The following ZNF136 variants were observed in gnomAD, a reference collection of about 807,000 sequenced individuals.
The protein encoded by ZNF136 is zinc finger protein 136.
A neutral mutation model predicts 11.4 loss-of-function variants in ZNF136; 8 were observed. The observed-to-expected ratio is 0.70, with a 90% CI of 0.41 to 1.27. ZNF136 has a LOEUF of 1.27. Among genes scored for constraint, ZNF136 ranks in the 50% most tolerant of loss-of-function variants. The pLI is 0.01. For synonymous variants in ZNF136, 190 were observed against 207.1 expected (o/e 0.92, Z 0.71); for missense variants, 590 against 656.5 (o/e 0.90, Z 1.11).
intron 1 of ZNF136, among the ~76,000 whole-genome samples, chr19:12,176,859 C>T (rs148551621): frequency 1.8e-3 from 271 of 152,196 alleles, no homozygotes; most frequent in African/African-American, 6.2e-3. Context: ...GTTTATGTCT[C>T]TGAGGTGTTA....
At chr19:12,170,764 G>A (rs915675181) in intron 1 of ZNF136, among the ~76,000 whole-genome samples, 2 of 151,904 alleles carry the variant, frequency 1.3e-5, no homozygotes, top group African/African-American at 4.8e-5. Context: ...CTGCCTCCTG[G>A]GTTCAAGTGA....
chr19:12,170,087 C>G (rs544450075), intron 1 of ZNF136, among the ~76,000 whole-genome samples: 2 of 142,068 alleles, frequency 1.4e-5, no homozygotes, highest in African/African-American at 2.5e-5. Context: ...AGCCACCACG[C>G]CCGGCCATTT....
chr19:12,176,479 A>C (rs1299278200), intron 1 of ZNF136, among the ~76,000 whole-genome samples: 1 of 152,012 alleles, frequency 6.6e-6, no homozygotes, highest in Non-Finnish European at 1.5e-5. Flanking sequence ...GGCGCTTGCC[A>C]CCACACCCAG....
intron 1 of ZNF136, among the ~76,000 whole-genome samples, chr19:12,173,798 T>C (rs1395743927): frequency 6.6e-6 from 1 of 152,202 alleles, no homozygotes; most frequent in Non-Finnish European, 1.5e-5. Flanking sequence ...CTCGTAGGAC[T>C]GAGCCCTCAA....
Position 12,188,271 on chromosome 19 carries a change from G to A in ZNF136, c.*270G>A. On this transcript the variant is annotated 3_prime_UTR_variant, in exon 4 of 4. Transcript: ENST00000343979. ...TTGAGAGAAACCCTGGGTAAAGGGTGTAGGAAAGGTTTTGTCATCACACAA... is the reference window on the plus strand; with the variant it reads ...TTGAGAGAAACCCTGGGTAAAGGGTATAGGAAAGGTTTTGTCATCACACAA... 1 of 293,156 alleles carries A rather than the reference G, an allele frequency of 3.4e-6. No homozygotes were observed. Among genetic ancestry groups the A allele is most frequent in the Admixed American group, 4.5e-5 (1 of 22,094 alleles). 18.2% of individuals were successfully genotyped at this position (293,156 alleles called of 1,614,324 possible).
Position 12,186,149 on chromosome 19 carries a change from T to C in ZNF136, c.166T>C (p.Tyr56His). The C allele has an allele frequency of 6.2e-7, 1 of 1,611,500 alleles. No homozygotes were observed. Among genetic ancestry groups the C allele is most frequent in the Non-Finnish European group, 8.5e-7 (1 of 1,179,414 alleles). Residue 56 changes from tyrosine (Y) to histidine (H), a missense_variant, in exon 3 of 4, where the codon TAC (tyrosine) becomes CAC (histidine). Physicochemically the swap from Tyr to His is moderately conservative, Grantham distance 83 (BLOSUM62 2). Coordinates refer to ENST00000343979, the MANE Select transcript of ZNF136 (RefSeq NM_003437.5). ...GAAGGACCAGAACATTAAAGATCACTACAAACACCGAGGGAGAAATCTAAG... is the reference window on the plus strand; with the variant it reads ...GAAGGACCAGAACATTAAAGATCACCACAAACACCGAGGGAGAAATCTAAG... Reference protein sequence around the residue: ...KWKDQNIKDHYKHRGRNLRSH... With the variant: ...KWKDQNIKDHHKHRGRNLRSH...
chr19:12,172,294 T>C (rs1283803755), intron 1 of ZNF136, among the ~76,000 whole-genome samples: 4 of 152,212 alleles, frequency 2.6e-5, no homozygotes, highest in Non-Finnish European at 5.9e-5. Context: ...TGATCTTGTT[T>C]ATAGCTGGAG....
intron 1 of ZNF136, among the ~76,000 whole-genome samples, chr19:12,177,211 G>A (rs1914819037): frequency 6.6e-6 from 1 of 152,206 alleles, no homozygotes; most frequent in African/African-American, 2.4e-5. Context: ...TCTTCATGGT[G>A]GAAGAGGTAT....
chr19:12,173,663 T>G (rs909486285), intron 1 of ZNF136, among the ~76,000 whole-genome samples: 1 of 152,156 alleles, frequency 6.6e-6, no homozygotes, highest in Non-Finnish European at 1.5e-5. Context: ...TCCCGAATTT[T>G]GTGAGCTGTG....
rs776876283 is a variant in ZNF136, at chr19:12,187,969, C to T, written c.1591C>T (p.Pro531Ser). ...RHMLTHAEDG[P>S]PYKCMWESL ...CATGTTAACACATGCTGAAGATGGA[C>T]CACCTTATAAATGCATGTGGGAAAG... The change falls in exon 4 of 4, where the codon CCA becomes TCA. Residue 531 changes from proline to serine, a missense_variant. Transcript: ENST00000343979. 3 of 1,538,632 alleles carry T rather than the reference C, an allele frequency of 1.9e-6. No homozygotes were observed. The highest frequency in any genetic ancestry group is 2.2e-5 in the East Asian group (1 of 44,488).
At chr19:12,167,143 AG>A (rs1409454204) in intron 1 of ZNF136, among the ~76,000 whole-genome samples, 1 of 152,242 alleles carries the variant, frequency 6.6e-6, no homozygotes, top group Non-Finnish European at 1.5e-5. Flanking sequence ...CTATTTGTTC[AG>A]GCTGAGAGTG....
intron 1 of ZNF136, among the ~76,000 whole-genome samples, chr19:12,170,101 T>C (rs907527754): frequency 2.3e-5 from 3 of 130,708 alleles, no homozygotes; most frequent in Non-Finnish European, 3.4e-5. Context: ...GCCATTTTTT[T>C]GTATTTTTAG....
At chr19:12,182,000 G>A (rs554879347) in intron 1 of ZNF136, among the ~76,000 whole-genome samples, 1 of 151,906 alleles carries the variant, frequency 6.6e-6, no homozygotes, top group Non-Finnish European at 1.5e-5. Context: ...TCGAACTCCT[G>A]ACCTCAAGTG....
intron 1 of ZNF136, among the ~76,000 whole-genome samples, chr19:12,167,329 G>A (rs1340214484): frequency 1.3e-5 from 2 of 152,242 alleles, no homozygotes; most frequent in South Asian, 2.1e-4. Flanking sequence ...TTGATGGTCT[G>A]TGTCAGAGAC....
At chr19:12,171,303 G>GA (rs146612158) in intron 1 of ZNF136, among the ~76,000 whole-genome samples, 2,284 of 151,106 alleles carry the variant, frequency 0.015, 48 homozygotes, top group African/African-American at 0.051. Flanking sequence ...TTATACATTG[G>GA]AAAAAAAAAT....
intron 1 of ZNF136, among the ~76,000 whole-genome samples, chr19:12,168,884 G>C (rs556753362): frequency 6.6e-6 from 1 of 152,102 alleles, no homozygotes; most frequent in East Asian, 1.9e-4. Flanking sequence ...TACCATGTTG[G>C]CCACGCTGGT....
In ZNF136 at chr19:12,188,459, C is replaced by T. The variant is rs566620624; in HGVS notation, c.*458C>T. On this transcript the variant is annotated 3_prime_UTR_variant, in exon 4 of 4. Coordinates refer to ENST00000343979, the MANE Select transcript of ZNF136 (RefSeq NM_003437.5). ...CACACGTTTTTAGCCAGCCCACATG[C>T]TTTCAACAACATGTAAGAATGTACC... 1 of 153,516 alleles carries T rather than the reference C, an allele frequency of 6.5e-6. No individual in the cohort carries two copies. The highest frequency in any genetic ancestry group is 1.4e-5 in the Non-Finnish European group (1 of 69,078). 9.5% of individuals were successfully genotyped at this position (153,516 alleles called of 1,614,324 possible).
At chr19:12,181,437 T>G (rs1039573980) in intron 1 of ZNF136, among the ~76,000 whole-genome samples, 1 of 152,126 alleles carries the variant, frequency 6.6e-6, no homozygotes, top group African/African-American at 2.4e-5. Context: ...TGTTATCAAC[T>G]ATTTGGTTTT....
intron 1 of ZNF136, among the ~76,000 whole-genome samples, chr19:12,176,401 A>C (rs1416210915): frequency 6.6e-6 from 1 of 151,678 alleles, no homozygotes; most frequent in Non-Finnish European, 1.5e-5. Flanking sequence ...ATCTCGGCTC[A>C]CTGCAACCTC....
Sources: gnomAD v4.1 joint callset for allele counts (sites outside exome capture counted in the v4.1 genomes callset) on GRCh38, gnomAD v4.1.1 for gene constraint, MANE v1.5 for transcripts, NCBI Gene and HGNC (gene_info 2026-07-23, HGNC 2026-07-21) for gene names.